ERG: variants seen among roughly 807,000 people sequenced by gnomAD.
ERG encodes ETS transcription factor ERG, also known as transcriptional regulator ERG.
Under a neutral mutation model 55.3 loss-of-function variants are expected in ERG, and 9 were observed. The observed-to-expected ratio is 0.16, with a 90% CI of 0.10 to 0.28. The LOEUF (loss-of-function observed/expected upper bound fraction) is 0.28, where lower values mean the gene tolerates loss of function less well. ERG is among the 10% of genes least tolerant of loss of function. The pLI, the probability that ERG is intolerant of heterozygous loss-of-function variation, is 1.00. For synonymous variants in ERG, 223 were observed against 237.3 expected (o/e 0.94, Z 0.55); for missense variants, 434 against 631.6 (o/e 0.69, Z 3.35).
At chr21:38,618,564 C>T (rs575726361) in intron 1 of ERG, among the ~76,000 whole-genome samples, 129 of 152,242 alleles carry the variant, frequency 8.5e-4, no homozygotes, top group African/African-American at 2.9e-3. Context: ...TGGGGGGGAA[C>T]AACTTTAAAA....
chr21:38,482,137 T>C (rs1274421477), intron 1 of ERG, among the ~76,000 whole-genome samples: 1 of 152,194 alleles, frequency 6.6e-6, no homozygotes, highest in Non-Finnish European at 1.5e-5. Flanking sequence ...GGGACCATCA[T>C]GTACTCGGCA....
intron 2 of ERG, among the ~76,000 whole-genome samples, chr21:38,571,091 T>C (rs2146854831): frequency 6.6e-6 from 1 of 152,378 alleles, no homozygotes; most frequent in East Asian, 1.9e-4. Flanking sequence ...TTTGCTATTT[T>C]TTTTGTCGGC....
At chr21:38,406,670 T>C (rs543093415) in intron 3 of ERG, among the ~76,000 whole-genome samples, 19 of 152,282 alleles carry the variant, frequency 1.2e-4, no homozygotes, top group African/African-American at 4.6e-4. Flanking sequence ...TTTTTTTTAA[T>C]GTAACAACTG....
At chr21:38,465,891 G>A (rs1043515949) in intron 1 of ERG, among the ~76,000 whole-genome samples, 61 of 152,054 alleles carry the variant, frequency 4.0e-4, no homozygotes, top group African/African-American at 1.5e-3. Flanking sequence ...TTGAAATAAG[G>A]AGATGAGATG....
chr21:38,645,630 A>C (rs928251064), intron 1 of ERG, among the ~76,000 whole-genome samples: 5 of 152,228 alleles, frequency 3.3e-5, no homozygotes, highest in Non-Finnish European at 5.9e-5. Context: ...AGATGATTCA[A>C]AAGAGACAAT....
intron 2 of ERG, among the ~76,000 whole-genome samples, chr21:38,436,149 AT>A (rs778054995): frequency 6.9e-6 from 1 of 145,734 alleles, no homozygotes; most frequent in Non-Finnish European, 1.5e-5. Flanking sequence ...AGCCTCCGGG[AT>A]TATAGGCACC....
intron 9 of ERG, among the ~76,000 whole-genome samples, chr21:38,387,504 C>T (rs538387354): frequency 2.6e-5 from 4 of 152,272 alleles, no homozygotes; most frequent in East Asian, 3.9e-4. Flanking sequence ...TGGCAACTCT[C>T]GCAGCTCTCT....
chr21:38,613,167 G>A (rs1264856177), intron 1 of ERG, among the ~76,000 whole-genome samples: 2 of 152,210 alleles, frequency 1.3e-5, no homozygotes, highest in Non-Finnish European at 2.9e-5. Flanking sequence ...AGCAGTGAAC[G>A]GACATCATAA....
At chr21:38,572,183 C>A (rs1226700683) in intron 2 of ERG, among the ~76,000 whole-genome samples, 2 of 132,112 alleles carry the variant, frequency 1.5e-5, no homozygotes, top group African/African-American at 6.0e-5. Context: ...GGTGAAACCC[C>A]GTCTCTACTA....
chr21:38,530,725 A>G (rs2059666526), intron 2 of ERG, among the ~76,000 whole-genome samples: 1 of 152,218 alleles, frequency 6.6e-6, no homozygotes, highest in Non-Finnish European at 1.5e-5. Context: ...TTTGTGCTAC[A>G]TAGTGAATTT....
intron 4 of ERG, among the ~76,000 whole-genome samples, chr21:38,403,020 A>G (rs1988580960): frequency 6.6e-6 from 1 of 152,248 alleles, no homozygotes; most frequent in African/African-American, 2.4e-5. Flanking sequence ...CCTTTCTGTC[A>G]GGTTAAGCCG....
chr21:38,599,632 G>C (rs530564754), intron 1 of ERG, among the ~76,000 whole-genome samples: 36 of 152,338 alleles, frequency 2.4e-4, no homozygotes, highest in African/African-American at 5.5e-4. Context: ...AGGCGTTTCC[G>C]ATGCTAACAC....
In ERG at chr21:38,443,404, A is replaced by G. The variant is rs146981323; in HGVS notation, c.236+2000T>C. Among the ~76,000 whole-genome samples the G allele has an allele frequency of 7.4e-3, 1,122 of 152,284 alleles. 16 individuals are homozygous for G. Among genetic ancestry groups the G allele is most frequent in the African/African-American group, 0.026 (1,078 of 41,540 alleles). On this transcript the variant is annotated intron_variant, in intron 2 of 9. Transcript: ENST00000288319. ...CTCATAGGTAGAAATTAGCCTCTGC[A>G]GAAGAAAAGCTTTAGAAATGTGTCC...
upstream of ERG, among the ~76,000 whole-genome samples, chr21:38,586,778 C>T (rs2060068182): frequency 6.6e-6 from 1 of 152,206 alleles, no homozygotes; most frequent in Non-Finnish European, 1.5e-5. Flanking sequence ...CAATCCCACT[C>T]TGGAGATAGA....
chr21:38,567,754 C>T (rs1010176310), intron 2 of ERG, among the ~76,000 whole-genome samples: 11 of 152,252 alleles, frequency 7.2e-5, no homozygotes, highest in African/African-American at 2.7e-4. Context: ...TTCGCCATAG[C>T]GATGGGATAA....
At chr21:38,368,236 GTTTT>G in the ERG span, among the ~76,000 whole-genome samples, 7 of 151,778 alleles carry the variant, frequency 4.6e-5, no homozygotes, top group African/African-American at 1.7e-4. Flanking sequence ...GCTTTTCCTC[GTTTT>G]TTTGTTTGTT....
chr21:38,652,941 A>T (rs1450238973), intron 1 of ERG, among the ~76,000 whole-genome samples: 1 of 152,200 alleles, frequency 6.6e-6, no homozygotes, highest in Non-Finnish European at 1.5e-5. Context: ...TCATGACACA[A>T]GCATTCACCC....
At chr21:38,379,171 G>A (rs1235820441), downstream of ERG, among the ~76,000 whole-genome samples, 2 of 152,198 alleles carry the variant, frequency 1.3e-5, no homozygotes, top group African/African-American at 4.8e-5. Context: ...TGGCATCCTG[G>A]ATGTGTCACA....
At chr21:38,367,809 G>A in the ERG span, among the ~76,000 whole-genome samples, 2 of 152,132 alleles carry the variant, frequency 1.3e-5, no homozygotes, top group African/African-American at 2.4e-5. Flanking sequence ...GTGGAATAAC[G>A]AAACCTACGG....
Sources: gnomAD v4.1 joint callset for allele counts (sites outside exome capture counted in the v4.1 genomes callset) on GRCh38, gnomAD v4.1.1 for gene constraint, MANE v1.5 for transcripts, NCBI Gene and HGNC (gene_info 2026-07-23, HGNC 2026-07-21) for gene names.